ROBO2: variants seen among roughly 807,000 people sequenced by gnomAD.
The protein encoded by ROBO2 is roundabout homolog 2.
In ROBO2, 53 loss-of-function variants were observed where a neutral mutation model predicts 160.8. The observed-to-expected ratio is 0.33, with a 90% CI of 0.26 to 0.41. The LOEUF is 0.41. Among genes scored for constraint, ROBO2 ranks in the 10% least tolerant of loss-of-function variants. The probability of loss-of-function intolerance (pLI) is 1.00; values close to 1 mark genes in which losing one functional copy is unlikely to be tolerated. For missense variants in ROBO2, 1,577 were observed against 1,722.4 expected (o/e 0.92, Z 1.49); for synonymous variants, 664 against 611.7 (o/e 1.09, Z -1.26).
chr3:77,067,088 C>T (rs1306100793), intron 1 of ROBO2, among the ~76,000 whole-genome samples: 2 of 151,222 alleles, frequency 1.3e-5, no homozygotes, highest in African/African-American at 2.4e-5. Context: ...AACAGCTTGC[C>T]TTTGTTGCTA....
chr3:76,202,126 A>G (rs1413734439), intron 2 of ROBO2, among the ~76,000 whole-genome samples: 1 of 152,174 alleles, frequency 6.6e-6, no homozygotes, highest in Non-Finnish European at 1.5e-5. Context: ...GCAAATCTGC[A>G]TTTACATTTT....
intron 2 of ROBO2, among the ~76,000 whole-genome samples, chr3:76,827,842 A>G (rs2066720578): frequency 6.6e-6 from 1 of 152,094 alleles, no homozygotes; most frequent in Non-Finnish European, 1.5e-5. Flanking sequence ...TGAAGTTAAA[A>G]CTGCTGTGAT....
chr3:77,528,345 C>T (rs1199913566), intron 6 of ROBO2, among the ~76,000 whole-genome samples: 1 of 151,530 alleles, frequency 6.6e-6, no homozygotes, highest in African/African-American at 2.4e-5. Flanking sequence ...TATAAATTGT[C>T]CATCTAGCTT....
intron 2 of ROBO2, among the ~76,000 whole-genome samples, chr3:76,824,324 T>G (rs1351653964): frequency 1.3e-5 from 2 of 152,182 alleles, no homozygotes; most frequent in African/African-American, 4.8e-5. Context: ...CTGGAACTAC[T>G]GACCTCAAGT....
chr3:75,986,366 G>T (rs1256364947), intron 2 of ROBO2, among the ~76,000 whole-genome samples: 2 of 151,518 alleles, frequency 1.3e-5, no homozygotes, highest in East Asian at 1.9e-4. Flanking sequence ...TTGGAGAAAA[G>T]TTCTTTGCCC....
chr3:76,519,676 T>C (rs1217460752), intron 2 of ROBO2, among the ~76,000 whole-genome samples: 1 of 152,160 alleles, frequency 6.6e-6, no homozygotes, highest in Non-Finnish European at 1.5e-5. Context: ...GCCAAAATGA[T>C]AGACATGAAG....
chr3:77,152,455 A>G (rs1367098110), intron 2 of ROBO2, among the ~76,000 whole-genome samples: 1 of 152,182 alleles, frequency 6.6e-6, no homozygotes, highest in African/African-American at 2.4e-5. Flanking sequence ...TTTAATTCTA[A>G]CTAGCCAGAT....
At chr3:76,256,346 T>TCA (rs1706376197) in intron 2 of ROBO2, among the ~76,000 whole-genome samples, 2 of 82,698 alleles carry the variant, frequency 2.4e-5, no homozygotes, top group Non-Finnish European at 4.8e-5. Context: ...TCTCTCTCTC[T>TCA]CTCTCTCACA....
At chr3:77,213,887 T>G (rs942783669) in intron 2 of ROBO2, among the ~76,000 whole-genome samples, 9 of 152,168 alleles carry the variant, frequency 5.9e-5, no homozygotes, top group Non-Finnish European at 1.3e-4. Context: ...AGTTGAGCGG[T>G]TTTGAGTAAG....
At chr3:76,478,453 A>C (rs966332787) in intron 2 of ROBO2, among the ~76,000 whole-genome samples, 16 of 151,876 alleles carry the variant, frequency 1.1e-4, no homozygotes, top group African/African-American at 3.9e-4. Flanking sequence ...GTTGGTTCCA[A>C]GTCTTTTGGG....
intron 2 of ROBO2, among the ~76,000 whole-genome samples, chr3:76,693,067 CTATA>C (rs1298174139): frequency 6.8e-6 from 1 of 147,512 alleles, no homozygotes; most frequent in African/African-American, 2.5e-5. Context: ...TAGTGTGTAT[CTATA>C]TATAGTGTAT....
At chr3:76,430,409 A>G (rs957802796) in intron 2 of ROBO2, among the ~76,000 whole-genome samples, 2 of 152,176 alleles carry the variant, frequency 1.3e-5, no homozygotes, top group African/African-American at 4.8e-5. Flanking sequence ...TTTTCAAAGT[A>G]TCTCACAAAT....
intron 2 of ROBO2, among the ~76,000 whole-genome samples, chr3:77,460,148 A>T (rs1344561240): frequency 1.3e-5 from 2 of 152,004 alleles, no homozygotes; most frequent in African/African-American, 4.8e-5. Context: ...AGTCAGGAAA[A>T]TCGGGTGGAT....
At chr3:76,298,574 A>C (rs780602675) in intron 2 of ROBO2, among the ~76,000 whole-genome samples, 2 of 152,162 alleles carry the variant, frequency 1.3e-5, no homozygotes, top group Non-Finnish European at 2.9e-5. Flanking sequence ...CAAAGAATGC[A>C]CAGAGGTGAG....
At chr3:76,412,115 T>C (rs1383464255) in intron 2 of ROBO2, among the ~76,000 whole-genome samples, 1 of 151,726 alleles carries the variant, frequency 6.6e-6, no homozygotes, top group Admixed American at 6.6e-5. Context: ...AAGAGAAAAA[T>C]GAGGAAGAAG....
At chr3:77,067,022 A>T (rs1478364470) in intron 1 of ROBO2, among the ~76,000 whole-genome samples, 10 of 133,438 alleles carry the variant, frequency 7.5e-5, no homozygotes, top group African/African-American at 2.9e-4. Context: ...TCTCACACAC[A>T]CACACTCACA....
chr3:76,103,818 A>T (rs28584856), intron 2 of ROBO2, among the ~76,000 whole-genome samples: 27,314 of 152,078 alleles, frequency 0.18, 2,851 homozygotes, highest in African/African-American at 0.29. Context: ...GGTGAAGTCA[A>T]TTTGTCCCTT....
chr3:76,642,341 C>CTTTTTTTTTTTT lies in ROBO2; in HGVS notation c.110-455655_110-455644dup, dbSNP rs71104611. Among the ~76,000 whole-genome samples the CTTTTTTTTTTTT allele has an allele frequency of 1.3e-4, 8 of 62,216 alleles. 2 individuals are homozygous for CTTTTTTTTTTTT. The highest frequency in any genetic ancestry group is 9.0e-4 in the East Asian group (2 of 2,222). The allele number at this position is 62,216 out of a possible 152,430, so 40.8% of individuals were successfully genotyped here. A position where few individuals can be genotyped will look rare whatever the true frequency, so the allele number is the denominator to read the frequency against. ...GCTAATTCAGAAATATTTACACTTG[C>CTTTTTTTTTTTT]TTTTTTTTTTTTTTTTTTTTTTTTT... On this transcript the variant is annotated intron_variant, in intron 2 of 26. Transcript: ENST00000487694.
intron 2 of ROBO2, among the ~76,000 whole-genome samples, chr3:76,597,974 G>A (rs2086852381): frequency 6.6e-6 from 1 of 151,972 alleles, no homozygotes; most frequent in Non-Finnish European, 1.5e-5. Flanking sequence ...TTGCACATGA[G>A]TATTTACAGC....
Sources: gnomAD v4.1 joint callset for allele counts (sites outside exome capture counted in the v4.1 genomes callset) on GRCh38, gnomAD v4.1.1 for gene constraint, MANE v1.5 for transcripts, NCBI Gene and HGNC (gene_info 2026-07-23, HGNC 2026-07-21) for gene names.